Variants in SGCZ observed in about 807,000 individuals in gnomAD.
SGCZ encodes the protein zeta-sarcoglycan.
In SGCZ, 40 loss-of-function variants were observed where a neutral mutation model predicts 41.3. The observed-to-expected ratio is 0.97, with a 90% confidence interval of 0.75 to 1.26. SGCZ has a LOEUF of 1.26. Among genes scored for constraint, SGCZ ranks in the 50% most tolerant of loss-of-function variants. The pLI, the probability that SGCZ is intolerant of heterozygous loss-of-function variation, is 0.00. For synonymous variants in SGCZ, 206 were observed against 137.5 expected, an observed-to-expected ratio of 1.50 and a Z score of -3.49; for missense variants, 552 against 369.8, an observed-to-expected ratio of 1.49 and a Z score of -4.04.
At chr8:14,857,284 C>T (rs1249511055) in intron 1 of SGCZ, among the ~76,000 whole-genome samples, 1 of 152,108 alleles carries the variant, frequency 6.6e-6, no homozygotes, top group Non-Finnish European at 1.5e-5. Flanking sequence ...CTCACTTAAA[C>T]CTCTTTTCTT....
chr8:14,442,479 G>C (rs189160741), intron 2 of SGCZ, among the ~76,000 whole-genome samples: 1 of 152,072 alleles, frequency 6.6e-6, no homozygotes, highest in African/African-American at 2.4e-5. Flanking sequence ...GTCTTTAATA[G>C]CAGCATGAAA....
intron 7 of SGCZ, among the ~76,000 whole-genome samples, chr8:14,096,622 G>C (rs1038072804): frequency 1.3e-5 from 2 of 152,070 alleles, no homozygotes; most frequent in African/African-American, 4.8e-5. Flanking sequence ...GACTCATAAA[G>C]TGAGTTAGGG....
chr8:14,244,358 G>A (rs547846161), intron 3 of SGCZ, among the ~76,000 whole-genome samples: 1 of 152,012 alleles, frequency 6.6e-6, no homozygotes, highest in African/African-American at 2.4e-5. Flanking sequence ...TTATTTAATG[G>A]TTATTCATCA....
chr8:14,624,354 C>T (rs1300178867), intron 1 of SGCZ, among the ~76,000 whole-genome samples: 1 of 151,884 alleles, frequency 6.6e-6, no homozygotes, highest in African/African-American at 2.4e-5. Flanking sequence ...TAGTTATCAT[C>T]AAATCAAATT....
chr8:14,213,709 G>C (rs1805895210), intron 4 of SGCZ, among the ~76,000 whole-genome samples: 1 of 151,902 alleles, frequency 6.6e-6, no homozygotes, highest in Non-Finnish European at 1.5e-5. Context: ...AAAATATCAA[G>C]TTTGATATAA....
intron 4 of SGCZ, 84 bp from the exon 5 acceptor site, chr8:14,164,786 C>T (rs899596255): frequency 4.8e-6 from 7 of 1,470,512 alleles, no homozygotes; most frequent in African/African-American, 4.3e-5. Flanking sequence ...ACTAGAAATG[C>T]ATATATTATT....
intron 1 of SGCZ, among the ~76,000 whole-genome samples, chr8:14,831,736 G>A (rs979966534): frequency 1.3e-5 from 2 of 150,422 alleles, no homozygotes; most frequent in Non-Finnish European, 3.0e-5. Flanking sequence ...GAAAGCTGGT[G>A]TTAGAAGGAA....
intron 3 of SGCZ, among the ~76,000 whole-genome samples, chr8:14,266,098 CAT>C (rs1799856168): frequency 1.3e-5 from 2 of 152,046 alleles, no homozygotes; most frequent in Non-Finnish European, 2.9e-5. Context: ...CCTAAGGAAA[CAT>C]ATGATTATCC....
At chr8:14,420,474 T>C (rs1563317788) in intron 2 of SGCZ, among the ~76,000 whole-genome samples, 1 of 152,108 alleles carries the variant, frequency 6.6e-6, no homozygotes, top group Non-Finnish European at 1.5e-5. Flanking sequence ...TTGTTCGGTA[T>C]TGCATTCTAT....
At chr8:14,198,572 T>G (rs1805352096) in intron 4 of SGCZ, among the ~76,000 whole-genome samples, 1 of 149,344 alleles carries the variant, frequency 6.7e-6, no homozygotes, top group Non-Finnish European at 1.5e-5. Flanking sequence ...AAATTGCACA[T>G]GTACACCAGA....
chr8:14,473,878 C>T (rs1289371314), intron 2 of SGCZ, among the ~76,000 whole-genome samples: 1 of 149,170 alleles, frequency 6.7e-6, no homozygotes, highest in Admixed American at 6.7e-5. Context: ...ACAGAGCTTG[C>T]AGTGAGCCAA....
At chr8:14,448,825 T>C (rs1475103242) in intron 2 of SGCZ, among the ~76,000 whole-genome samples, 1 of 152,156 alleles carries the variant, frequency 6.6e-6, no homozygotes, top group Non-Finnish European at 1.5e-5. Context: ...CTCTTCCCTA[T>C]ACTACTATAT....
intron 1 of SGCZ, among the ~76,000 whole-genome samples, chr8:14,979,169 C>A (rs1801583073): frequency 6.6e-6 from 1 of 152,116 alleles, no homozygotes; most frequent in Non-Finnish European, 1.5e-5. Flanking sequence ...ATTATGAATA[C>A]ACTAAAAGGC....
chr8:14,965,913 T>A (rs1801113506), intron 1 of SGCZ, among the ~76,000 whole-genome samples: 1 of 152,164 alleles, frequency 6.6e-6, no homozygotes, highest in African/African-American at 2.4e-5. Flanking sequence ...TACCTCTAAC[T>A]CATGATCGAA....
At position 14,872,322 on chromosome 8, in the gene SGCZ, T is replaced by TA. The variant is rs898107681; in HGVS notation, c.40-317397dup. On this transcript the variant is annotated intron_variant, in intron 1 of 7. Coordinates refer to ENST00000382080, the MANE Select transcript of SGCZ (RefSeq NM_139167.4). Reference sequence around the variant, plus strand: ...TCCCAGAACTTAAACTATAATTTTTTAAAAAAACATAGAAATATAAGCTAT... The same window carrying TA: ...TCCCAGAACTTAAACTATAATTTTTTAAAAAAAACATAGAAATATAAGCTAT... Among the ~76,000 whole-genome samples the TA allele has an allele frequency of 7.9e-5, 12 of 152,140 alleles. No individual in the cohort carries two copies. The South Asian group carries it at 1.5e-3, about 18-fold the overall frequency.
chr8:14,556,708 G>A (rs910861198), intron 1 of SGCZ, among the ~76,000 whole-genome samples: 1 of 151,940 alleles, frequency 6.6e-6, no homozygotes, highest in South Asian at 2.1e-4. Flanking sequence ...CCATTCCTAA[G>A]TTACTTTTAC....
intron 4 of SGCZ, among the ~76,000 whole-genome samples, chr8:14,207,834 G>T (rs11203584): frequency 0.74 from 113,003 of 152,046 alleles, 42,804 homozygotes; most frequent in African/African-American, 0.87. Flanking sequence ...ATATCATTTT[G>T]CATAAGAAAA....
At chr8:14,145,013 C>T (rs930351735) in intron 5 of SGCZ, among the ~76,000 whole-genome samples, 3 of 152,130 alleles carry the variant, frequency 2.0e-5, no homozygotes, top group African/African-American at 7.2e-5. Flanking sequence ...AGTCCTAACT[C>T]CCTGATGGCA....
intron 2 of SGCZ, among the ~76,000 whole-genome samples, chr8:14,487,465 C>T (rs577017958): frequency 1.7e-3 from 224 of 135,706 alleles, no homozygotes; most frequent in African/African-American, 5.6e-3. Flanking sequence ...TTACTTGTTT[C>T]TCACCTAGAT....
Sources: gnomAD v4.1 joint callset for allele counts (sites outside exome capture counted in the v4.1 genomes callset) on GRCh38, gnomAD v4.1.1 for gene constraint, MANE v1.5 for transcripts, NCBI Gene and HGNC (gene_info 2026-07-23, HGNC 2026-07-21) for gene names.